SORCS1: variants seen among roughly 807,000 people sequenced by gnomAD.
SORCS1 encodes sortilin related VPS10 domain containing receptor 1.
A neutral mutation model predicts 146.1 loss-of-function variants in SORCS1; 60 were observed. That is an observed-to-expected ratio of 0.41 (90% CI 0.33 to 0.51). The LOEUF (loss-of-function observed/expected upper bound fraction) is 0.51. SORCS1 is among the 20% of genes least tolerant of loss of function. The pLI is 0.21. For synonymous variants in SORCS1, 637 were observed against 584.0 expected, an observed-to-expected ratio of 1.09 and a Z score of -1.31; for missense variants, 1,352 against 1,487.6, an observed-to-expected ratio of 0.91 and a Z score of 1.50.
intron 5 of SORCS1, 82 bp from the exon 6 acceptor site, chr10:106,730,196 G>T: frequency 7.7e-7 from 1 of 1,305,658 alleles, no homozygotes; most frequent in Non-Finnish European, 1.1e-6. Context: ...AGAGCCCCCA[G>T]ACTATTAATA....
chr10:107,032,860 G>C (rs1263411393), intron 1 of SORCS1, among the ~76,000 whole-genome samples: 1 of 152,142 alleles, frequency 6.6e-6, no homozygotes, highest in African/African-American at 2.4e-5. Flanking sequence ...TACTGCTGCA[G>C]TCATCAACCT....
chr10:106,592,144 G>A (rs955708430), intron 24 of SORCS1, among the ~76,000 whole-genome samples: 2 of 152,118 alleles, frequency 1.3e-5, no homozygotes, highest in Non-Finnish European at 2.9e-5. Flanking sequence ...TTCTCATACA[G>A]GTTCAAGTCT....
intron 23 of SORCS1, among the ~76,000 whole-genome samples, chr10:106,599,512 TCAGA>T (rs1184214035): frequency 6.6e-6 from 1 of 152,112 alleles, no homozygotes; most frequent in African/African-American, 2.4e-5. Context: ...TTTATAGGAA[TCAGA>T]CAGTGGAGTT....
At chr10:106,855,004 T>C (rs1214405068) in intron 2 of SORCS1, among the ~76,000 whole-genome samples, 2 of 152,200 alleles carry the variant, frequency 1.3e-5, no homozygotes, top group Admixed American at 6.5e-5. Flanking sequence ...TCCTGTATCA[T>C]TTTCCTTCTC....
chr10:106,738,177 G>T (rs953202984), intron 5 of SORCS1, among the ~76,000 whole-genome samples: 1 of 152,146 alleles, frequency 6.6e-6, no homozygotes, highest in Non-Finnish European at 1.5e-5. Flanking sequence ...GAGTTTGGGG[G>T]TTGTGGGTAA....
chr10:106,786,386 G>A (rs1331903730), intron 3 of SORCS1, among the ~76,000 whole-genome samples: 1 of 152,098 alleles, frequency 6.6e-6, no homozygotes, highest in East Asian at 1.9e-4. Context: ...CTCTCTGCAT[G>A]ACATCACATC....
At chr10:106,891,147 G>A (rs531589947) in intron 2 of SORCS1, among the ~76,000 whole-genome samples, 121 of 152,130 alleles carry the variant, frequency 8.0e-4, no homozygotes, top group African/African-American at 2.6e-3. Context: ...AAATATCTAG[G>A]TCCTAAGAGT....
At chr10:107,172,520 A>T in the SORCS1 span, among the ~76,000 whole-genome samples, 6 of 152,260 alleles carry the variant, frequency 3.9e-5, no homozygotes, top group East Asian at 1.2e-3. Flanking sequence ...CTGACATTGT[A>T]CTTTTTTAAT....
At chr10:106,748,679 C>T (rs1589796978) in intron 5 of SORCS1, among the ~76,000 whole-genome samples, 1 of 152,112 alleles carries the variant, frequency 6.6e-6, no homozygotes, top group African/African-American at 2.4e-5. Context: ...TTTATGATAA[C>T]ATTACATGCC....
intron 1 of SORCS1, among the ~76,000 whole-genome samples, chr10:107,109,223 G>T (rs535680976): frequency 7.0e-4 from 106 of 152,330 alleles, no homozygotes; most frequent in African/African-American, 2.5e-3. Flanking sequence ...GGACTCCGTG[G>T]GGGGCCTCTA....
At chr10:107,055,527 G>C (rs1374168683) in intron 1 of SORCS1, among the ~76,000 whole-genome samples, 3 of 152,058 alleles carry the variant, frequency 2.0e-5, no homozygotes, top group Non-Finnish European at 2.9e-5. Flanking sequence ...TTCACCAGTG[G>C]GCAGAAAATA....
intron 2 of SORCS1, among the ~76,000 whole-genome samples, chr10:106,861,324 C>G (rs1350601723): frequency 6.7e-6 from 1 of 150,302 alleles, no homozygotes; most frequent in Non-Finnish European, 1.5e-5. Context: ...TGCTTGAACC[C>G]AGGAGGCAGA....
chr10:106,894,365 G>A (rs1951379417), intron 2 of SORCS1, among the ~76,000 whole-genome samples: 2 of 151,658 alleles, frequency 1.3e-5, no homozygotes, highest in South Asian at 2.1e-4. Flanking sequence ...GCTGTTACAT[G>A]TTCTGGGTAG....
intron 2 of SORCS1, among the ~76,000 whole-genome samples, chr10:106,853,397 A>ATT (rs57934259): frequency 7.3e-6 from 1 of 136,512 alleles, no homozygotes; most frequent in African/African-American, 2.8e-5. Context: ...CATTTTCTTG[A>ATT]TTTTTTTTTT....
intron 3 of SORCS1, among the ~76,000 whole-genome samples, chr10:106,785,370 C>A (rs1441768180): frequency 1.3e-5 from 2 of 152,198 alleles, no homozygotes; most frequent in African/African-American, 2.4e-5. Flanking sequence ...TCCTCTCCTC[C>A]TTCCTATGAA....
intron 2 of SORCS1, among the ~76,000 whole-genome samples, chr10:106,932,917 G>C (rs771428455): frequency 3.3e-5 from 5 of 152,026 alleles, no homozygotes; most frequent in Non-Finnish European, 7.4e-5. Context: ...TCTGAGACCC[G>C]GGCCTCTGCA....
intron 2 of SORCS1, among the ~76,000 whole-genome samples, chr10:106,891,504 C>CTTTTTTTTGTTTTTTTTTTTTTTTTTTT (rs1951231808): frequency 1.0e-5 from 1 of 97,260 alleles, no homozygotes; most frequent in Non-Finnish European, 2.3e-5. Flanking sequence ...AATGGGAATT[C>CTTTTTTTTGTTTTTTTTTTTTTTTTTTT]TTTTTTTTTT....
rs144152536 is a variant in SORCS1 at position 106,864,475 on chromosome 10, G to T, written c.627-34802C>A. ...TGGGGGCTTAGCAGAGCAGCCACTC[G>T]AGCACATGCAGAGACGTGGGAACCT... On this transcript the variant is annotated intron_variant, in intron 2 of 25. Coordinates refer to ENST00000263054, the MANE Select transcript of SORCS1 (RefSeq NM_052918.5). Among the ~76,000 whole-genome samples, 404 of 152,232 alleles carry T rather than the reference G, an allele frequency of 2.7e-3. 3 individuals carry two copies. Among genetic ancestry groups the T allele is most frequent in the Middle Eastern group, 6.8e-3 (2 of 294 alleles).
chr10:106,738,685 A>C (rs1269039295), intron 5 of SORCS1, among the ~76,000 whole-genome samples: 1 of 152,230 alleles, frequency 6.6e-6, no homozygotes, highest in Non-Finnish European at 1.5e-5. Context: ...ACTAGAGGGT[A>C]GAACAAATAT....
Sources: allele counts gnomAD v4.1 joint callset (sites outside exome capture counted in the v4.1 genomes callset), GRCh38; gene constraint gnomAD v4.1.1; transcripts MANE v1.5; gene names NCBI Gene and HGNC (gene_info 2026-07-23, HGNC 2026-07-21).